PRMT3: variants seen among roughly 807,000 people sequenced by gnomAD.
PRMT3 encodes the protein protein arginine N-methyltransferase 3.
Under a neutral mutation model 71.9 loss-of-function variants are expected in PRMT3, and 62 were observed. The observed-to-expected ratio is 0.86, with a 90% confidence interval of 0.70 to 1.07. The LOEUF (loss-of-function observed/expected upper bound fraction) is 1.07, where lower values mean the gene tolerates loss of function less well. Among genes scored for constraint, PRMT3 ranks in the 50% least tolerant of loss-of-function variants. The pLI is 0.00. For synonymous variants in PRMT3, 213 were observed against 220.4 expected (o/e 0.97, Z 0.30); for missense variants, 663 against 643.0 (o/e 1.03, Z -0.34).
At chr11:20,409,346 T>C (rs7479752) in intron 9 of PRMT3, among the ~76,000 whole-genome samples, 124,753 of 152,084 alleles carry the variant, frequency 0.82, 53,090 homozygotes, top group Non-Finnish European at 0.95. Flanking sequence ...CACTGTCAAA[T>C]GAAACTTATA....
chr11:20,423,817 T>C (rs1849477902), intron 9 of PRMT3, among the ~76,000 whole-genome samples: 1 of 131,862 alleles, frequency 7.6e-6, no homozygotes, highest in African/African-American at 2.9e-5. Context: ...GAGGTTACAG[T>C]GAGCCATGAT....
rs1565243498 is a variant in PRMT3 at position 20,504,737 on chromosome 11, A to AGAGAGAGC, written c.1487-3560_1487-3559insCGAGAGAG. ...GAGAGAGAGAGAGAGAGAGAGAGAG[A>AGAGAGAGC]GAGAGAGAGCGAGAGCGACTGAGAC... is the stretch of plus-strand genomic sequence containing the variant. On this transcript the variant is annotated intron_variant, in intron 15 of 15. Transcript: ENST00000331079. Among the ~76,000 whole-genome samples the AGAGAGAGC allele has an allele frequency of 5.3e-5, 8 of 151,022 alleles. No homozygotes were observed. The South Asian group carries it at 1.7e-3, about 32-fold the overall frequency.
intron 10 of PRMT3, among the ~76,000 whole-genome samples, chr11:20,437,292 T>C (rs1426907833): frequency 2.0e-5 from 3 of 152,230 alleles, no homozygotes; most frequent in Non-Finnish European, 2.9e-5. Flanking sequence ...GTTATTTCTT[T>C]CCTTCTACTT....
chr11:20,398,593 C>T (rs1848882807), intron 7 of PRMT3, among the ~76,000 whole-genome samples: 1 of 152,202 alleles, frequency 6.6e-6, no homozygotes, highest in Non-Finnish European at 1.5e-5. Flanking sequence ...GCTGGGACTA[C>T]AGGTGCCCGC....
At chr11:20,468,486 A>G (rs1431689642) in intron 13 of PRMT3, among the ~76,000 whole-genome samples, 1 of 152,138 alleles carries the variant, frequency 6.6e-6, no homozygotes, top group Non-Finnish European at 1.5e-5. Flanking sequence ...CTCTTGGCTC[A>G]GCCTCCCTAG....
chr11:20,498,919 A>G (rs1355098593), intron 15 of PRMT3, among the ~76,000 whole-genome samples: 1 of 152,232 alleles, frequency 6.6e-6, no homozygotes, highest in Non-Finnish European at 1.5e-5. Context: ...TGGAAATATA[A>G]GACATGTATT....
intron 8 of PRMT3, chr11:20,406,106 C>G (rs1250325351): frequency 1.3e-5 from 2 of 152,196 alleles, no homozygotes; most frequent in African/African-American, 4.8e-5. Flanking sequence ...CCAGGACCCT[C>G]TGTGGATACC....
chr11:20,426,423 T>C (rs376015116), intron 9 of PRMT3, among the ~76,000 whole-genome samples: 1 of 152,202 alleles, frequency 6.6e-6, no homozygotes, highest in Non-Finnish European at 1.5e-5. Context: ...ACACTTCCCT[T>C]TAAACCATAC....
At chr11:20,437,888 C>T (rs1030780379) in intron 10 of PRMT3, among the ~76,000 whole-genome samples, 3 of 151,666 alleles carry the variant, frequency 2.0e-5, no homozygotes, top group East Asian at 3.9e-4. Context: ...TGCGCCCGGC[C>T]GGCAGCAGCA....
At chr11:20,485,361 G>T (rs1851045968) in intron 13 of PRMT3, among the ~76,000 whole-genome samples, 1 of 152,122 alleles carries the variant, frequency 6.6e-6, no homozygotes, top group African/African-American at 2.4e-5. Context: ...CATGAATCAA[G>T]AACCAGTTGA....
At chr11:20,483,284 T>C (rs970949091) in intron 13 of PRMT3, among the ~76,000 whole-genome samples, 2 of 152,132 alleles carry the variant, frequency 1.3e-5, no homozygotes, top group East Asian at 3.9e-4. Flanking sequence ...TCTGTTTTGT[T>C]CAGGTGAACA....
chr11:20,496,172 C>T (rs916483441), intron 15 of PRMT3, among the ~76,000 whole-genome samples: 1 of 152,122 alleles, frequency 6.6e-6, no homozygotes, highest in African/African-American at 2.4e-5. Flanking sequence ...CCTTAATTGT[C>T]CCTCAGCAGA....
At chr11:20,424,762 A>G (rs1466779962) in intron 9 of PRMT3, among the ~76,000 whole-genome samples, 1 of 152,224 alleles carries the variant, frequency 6.6e-6, no homozygotes. Flanking sequence ...AGAATTACTT[A>G]CTGTACATAA....
intron 8 of PRMT3, chr11:20,407,285 A>G (rs1409854674): frequency 6.6e-6 from 1 of 151,982 alleles, no homozygotes; most frequent in East Asian, 1.9e-4. Flanking sequence ...ATACTGTTCT[A>G]TTGTGTATAT....
At chr11:20,394,503 G>C (rs573094127) in intron 5 of PRMT3, among the ~76,000 whole-genome samples, 1 of 151,966 alleles carries the variant, frequency 6.6e-6, no homozygotes, top group African/African-American at 2.4e-5. Flanking sequence ...GTACATTTCA[G>C]GTATACAATG....
intron 9 of PRMT3, among the ~76,000 whole-genome samples, chr11:20,420,108 G>A (rs1590050711): frequency 6.6e-6 from 1 of 152,292 alleles, no homozygotes. Flanking sequence ...GGAGGCGGAG[G>A]TTGCAGTGAG....
At chr11:20,475,957 T>C (rs1233982969) in intron 13 of PRMT3, among the ~76,000 whole-genome samples, 1 of 151,856 alleles carries the variant, frequency 6.6e-6, no homozygotes, top group Non-Finnish European at 1.5e-5. Context: ...ATTACAGGCA[T>C]GAGCCACCGC....
intron 13 of PRMT3, among the ~76,000 whole-genome samples, chr11:20,464,854 TA>T (rs1850471483): frequency 6.6e-6 from 1 of 152,222 alleles, no homozygotes; most frequent in African/African-American, 2.4e-5. Flanking sequence ...CCAAAGTTCA[TA>T]CCCTATTCCT....
intron 6 of PRMT3, among the ~76,000 whole-genome samples, chr11:20,397,199 A>C (rs951617822): frequency 7.4e-4 from 113 of 152,338 alleles, no homozygotes; most frequent in African/African-American, 2.7e-3. Flanking sequence ...CCCAAGAAAT[A>C]ATATGGTTTT....
Sources: allele counts gnomAD v4.1 joint callset (sites outside exome capture counted in the v4.1 genomes callset), GRCh38; gene constraint gnomAD v4.1.1; transcripts MANE v1.5; gene names NCBI Gene and HGNC (gene_info 2026-07-23, HGNC 2026-07-21).